ADAMTS6: variants seen among roughly 807,000 people sequenced by gnomAD.
ADAMTS6 encodes A disintegrin and metalloproteinase with thrombospondin motifs 6.
A neutral mutation model predicts 144.3 loss-of-function variants in ADAMTS6; 23 were observed. The observed-to-expected ratio is 0.16, with a 90% CI of 0.11 to 0.23. The LOEUF (loss-of-function observed/expected upper bound fraction) is 0.23. Among genes scored for constraint, ADAMTS6 ranks in the 10% least tolerant of loss-of-function variants. ADAMTS6 has a pLI of 1.00. For missense variants in ADAMTS6, 999 were observed against 1,379.6 expected (o/e 0.72, Z 4.37); for synonymous variants, 444 against 457.5 (o/e 0.97, Z 0.38).
chr5:65,174,767 G>C (rs11746174), intron 22 of ADAMTS6, among the ~76,000 whole-genome samples: 89,721 of 151,988 alleles, frequency 0.59, 26,913 homozygotes, highest in Non-Finnish European at 0.65. Context: ...AACTGTAAAA[G>C]TGTGTGTGTG....
At chr5:65,160,940 C>T (rs1752733358) in intron 24 of ADAMTS6, among the ~76,000 whole-genome samples, 1 of 152,200 alleles carries the variant, frequency 6.6e-6, no homozygotes, top group South Asian at 2.1e-4. Flanking sequence ...GCGTGAGCCA[C>T]CATGCCCGGC....
intron 13 of ADAMTS6, among the ~76,000 whole-genome samples, chr5:65,262,468 T>C (rs1394900376): frequency 6.6e-6 from 1 of 152,208 alleles, no homozygotes; most frequent in Non-Finnish European, 1.5e-5. Flanking sequence ...TTAGGTTTCC[T>C]GGGAATAATA....
chr5:65,460,559 A>G (rs142554787), intron 3 of ADAMTS6, among the ~76,000 whole-genome samples: 3 of 152,356 alleles, frequency 2.0e-5, no homozygotes, highest in African/African-American at 7.2e-5. Flanking sequence ...TATGCACTGT[A>G]CTAAGCATGT....
At position 65,342,127 on chromosome 5, in the gene ADAMTS6, AT is replaced by A. The variant is rs530423646; in HGVS notation, c.1074-8043del. Among the ~76,000 whole-genome samples, 151 of 152,322 alleles carry A rather than the reference AT, an allele frequency of 9.9e-4. 3 individuals are homozygous for A. The highest frequency in any genetic ancestry group is 3.4e-3 in the African/African-American group (142 of 41,594). On this transcript the variant is annotated intron_variant, in intron 7 of 24. Transcript: ENST00000381055. ...TCAATAGATGCAGAAAAAGCATTTG[AT>A]AAAATTCAATATTGTTTAATGATAA...
chr5:65,449,192 A>G (rs1187426504), intron 7 of ADAMTS6, among the ~76,000 whole-genome samples: 1 of 152,232 alleles, frequency 6.6e-6, no homozygotes, highest in Non-Finnish European at 1.5e-5. Flanking sequence ...CTGCTGCAAA[A>G]AGCATTTTTC....
chr5:65,329,507 A>C, intron 8 of ADAMTS6, 24 bp from the exon 9 acceptor site: 2 of 1,590,224 alleles, frequency 1.3e-6, no homozygotes, highest in Non-Finnish European at 8.6e-7. Context: ...AAGAGACACA[A>C]AGGGTCAAGC....
chr5:65,243,803 A>G (rs144968054), intron 14 of ADAMTS6, among the ~76,000 whole-genome samples: 2 of 152,230 alleles, frequency 1.3e-5, no homozygotes, highest in African/African-American at 4.8e-5. Context: ...AAAAGCAAAT[A>G]ACGATTTCAA....
At chr5:65,283,509 T>C (rs920022201) in intron 11 of ADAMTS6, among the ~76,000 whole-genome samples, 2 of 151,986 alleles carry the variant, frequency 1.3e-5, no homozygotes, top group Non-Finnish European at 2.9e-5. Context: ...GGGTAAAAAC[T>C]AGTAATCTTT....
intron 18 of ADAMTS6, among the ~76,000 whole-genome samples, chr5:65,216,203 G>A (rs1411559346): frequency 6.6e-6 from 1 of 152,116 alleles, no homozygotes; most frequent in Admixed American, 6.6e-5. Context: ...ATCAGTGGAT[G>A]AATAAATAAA....
chr5:65,185,010 G>A (rs1200160639), intron 22 of ADAMTS6, among the ~76,000 whole-genome samples: 1 of 152,114 alleles, frequency 6.6e-6, no homozygotes, highest in Non-Finnish European at 1.5e-5. Context: ...AGTGGGGAGG[G>A]GGCAGAAAGG....
At chr5:65,373,580 G>A (rs1027953386) in intron 7 of ADAMTS6, among the ~76,000 whole-genome samples, 1 of 151,978 alleles carries the variant, frequency 6.6e-6, no homozygotes, top group Non-Finnish European at 1.5e-5. Context: ...TCTCTGAATA[G>A]ACCAATAACA....
intron 9 of ADAMTS6, among the ~76,000 whole-genome samples, chr5:65,324,468 A>ATTTCCTGTTT (rs1745973720): frequency 6.6e-6 from 1 of 152,084 alleles, no homozygotes; most frequent in African/African-American, 2.4e-5. Context: ...ATAAGGCAAC[A>ATTTCCTGTTT]ATTTAAAAAG....
intron 20 of ADAMTS6, among the ~76,000 whole-genome samples, chr5:65,202,026 T>C (rs531253353): frequency 1.3e-5 from 2 of 152,318 alleles, no homozygotes; most frequent in South Asian, 2.1e-4. Context: ...TGCCGTGTGA[T>C]TGTTGGCCAG....
chr5:65,284,953 T>TAAATAAATAAATAA (rs2112722943), intron 11 of ADAMTS6, among the ~76,000 whole-genome samples: 1 of 152,188 alleles, frequency 6.6e-6, no homozygotes, highest in South Asian at 2.1e-4. Flanking sequence ...AAGAATAAAT[T>TAAATAAATAAATAA]CTATATTTAC....
intron 7 of ADAMTS6, among the ~76,000 whole-genome samples, chr5:65,394,928 A>G (rs1431669397): frequency 6.6e-6 from 1 of 152,168 alleles, no homozygotes; most frequent in Non-Finnish European, 1.5e-5. Context: ...ATTTCATATG[A>G]TCTTATAAAT....
chr5:65,452,001 A>C (rs1393986730), intron 6 of ADAMTS6, 132 bp downstream of exon 6: 8 of 710,748 alleles, frequency 1.1e-5, no homozygotes, highest in African/African-American at 7.3e-5. Flanking sequence ...AAATGTGTAG[A>C]GCTAAAAATC....
At chr5:65,170,797 C>T (rs1753569536) in intron 23 of ADAMTS6, 24 bp from the exon 24 acceptor site, 1 of 1,598,796 alleles carries the variant, frequency 6.3e-7, no homozygotes, top group African/African-American at 1.3e-5. Context: ...CACAAAGAAA[C>T]AAAATATTAA....
At chr5:65,445,947 T>C (rs1439602136) in intron 7 of ADAMTS6, among the ~76,000 whole-genome samples, 1 of 152,150 alleles carries the variant, frequency 6.6e-6, no homozygotes, top group Non-Finnish European at 1.5e-5. Context: ...ATGAACTATA[T>C]GATCATCTCA....
intron 20 of ADAMTS6, among the ~76,000 whole-genome samples, chr5:65,208,839 G>A (rs1264294056): frequency 1.3e-5 from 2 of 152,106 alleles, no homozygotes; most frequent in African/African-American, 4.8e-5. Context: ...TGTTTAGTGG[G>A]CATTTACTTT....
Sources: allele counts gnomAD v4.1 joint callset (sites outside exome capture counted in the v4.1 genomes callset), GRCh38; gene constraint gnomAD v4.1.1; transcripts MANE v1.5; gene names NCBI Gene and HGNC (gene_info 2026-07-23, HGNC 2026-07-21).